Variants in GALC observed in about 807,000 individuals in gnomAD.
GALC encodes the protein galactocerebrosidase.
In GALC, 77 loss-of-function variants were observed where a neutral mutation model predicts 91.8. The ratio of observed to expected loss-of-function variants is 0.84; its 90% CI spans 0.70 to 1.01. The LOEUF (loss-of-function observed/expected upper bound fraction) is 1.01, where lower values mean the gene tolerates loss of function less well. GALC is among the 50% of genes least tolerant of loss of function. The pLI is 0.00. For missense variants in GALC, 882 were observed against 855.9 expected (o/e 1.03, Z -0.38); for synonymous variants, 357 against 306.7 (o/e 1.16, Z -1.71).
intron 6 of GALC, among the ~76,000 whole-genome samples, chr14:87,980,243 C>T (rs767257368): frequency 2.6e-5 from 4 of 151,968 alleles, no homozygotes; most frequent in East Asian, 1.9e-4. Flanking sequence ...ATTAGCCGGG[C>T]GTGGTGGTGG....
rs1329012570 is a variant in GALC at position 87,993,140 on chromosome 14, A to C, written c.25T>G (p.Ser9Ala). MAEWLLSA[S>A]WQRRAKAMTA... ...ATAGCTTTCGCTCGGCGTTGCCAGG[A>C]AGCCGAGAGTAGCCACTCAGCCATT... Residue 9 changes from serine (S) to alanine (A), a missense_variant, in exon 1 of 17, where the codon TCC (serine) becomes GCC (alanine). Transcript: ENST00000261304. 6.3e-7 allele frequency: 1 copy of C among 1,584,344 alleles called. No homozygotes were observed. The highest frequency in any genetic ancestry group is 2.3e-5 in the East Asian group (1 of 43,408).
upstream of GALC, chr14:87,993,509 T>C (rs981645280): frequency 1.3e-6 from 2 of 1,525,128 alleles, no homozygotes; most frequent in African/African-American, 2.7e-5. Flanking sequence ...TCTCAGGGAG[T>C]ATCTACCTCG....
chr14:87,956,980 C>T (rs532316695), intron 10 of GALC, among the ~76,000 whole-genome samples: 1 of 152,056 alleles, frequency 6.6e-6, no homozygotes, highest in African/African-American at 2.4e-5. Context: ...GGTGGTATCT[C>T]GTTGTGGTTC....
At position 87,944,450 on chromosome 14, in the gene GALC, A is replaced by G. The variant is rs576212461; in HGVS notation, c.1670+1103T>C. On this transcript the variant is annotated intron_variant, in intron 14 of 16. Transcript: ENST00000261304. ...CAGCCACTGGACTTAAAATAAGACC[A>G]TCAGTCACAAATAAGGATGCCAAGA... Among the ~76,000 whole-genome samples, 314 of 152,096 alleles carry G rather than the reference A, an allele frequency of 2.1e-3. 1 individual carries two copies. Among genetic ancestry groups the G allele is most frequent in the African/African-American group, 7.4e-3 (306 of 41,528 alleles).
At chr14:87,947,591 T>A in intron 13 of GALC, 137 bp downstream of exon 13, 1 of 825,726 alleles carries the variant, frequency 1.2e-6, no homozygotes, top group East Asian at 2.5e-5. Flanking sequence ...GCCCTCCTTT[T>A]ACCGCATATG....
intron 2 of GALC, 58 bp downstream of exon 2, chr14:87,988,397 T>G: frequency 7.4e-7 from 1 of 1,343,742 alleles, no homozygotes; most frequent in East Asian, 2.3e-5. Context: ...TATGGTGAAA[T>G]TCACCATCCA....
At chr14:87,970,968 C>A (rs1886270312) in intron 7 of GALC, among the ~76,000 whole-genome samples, 1 of 151,236 alleles carries the variant, frequency 6.6e-6, no homozygotes, top group African/African-American at 2.4e-5. Flanking sequence ...TTTCAAACTT[C>A]AATAACAGAC....
chr14:87,960,731 A>G (rs7157799), intron 10 of GALC, among the ~76,000 whole-genome samples: 49,858 of 152,058 alleles, frequency 0.33, 9,550 homozygotes, highest in East Asian at 0.75. Context: ...TGAAAAAGGA[A>G]TAGTCTTTTC....
chr14:87,947,119 C>T (rs1162282441), intron 13 of GALC, among the ~76,000 whole-genome samples: 1 of 152,036 alleles, frequency 6.6e-6, no homozygotes, highest in Non-Finnish European at 1.5e-5. Context: ...AGAACACCAC[C>T]AAGCAGTCAA....
chr14:87,968,566 A>T, intron 7 of GALC, 76 bp from the exon 8 acceptor site: 1 of 1,383,428 alleles, frequency 7.2e-7, no homozygotes, highest in Admixed American at 1.7e-5. Context: ...TTTGTTGAGT[A>T]TATAAAAATA....
intron 6 of GALC, chr14:87,981,080 G>A (rs1886729061): frequency 6.6e-6 from 1 of 152,162 alleles, no homozygotes; most frequent in Non-Finnish European, 1.5e-5. Flanking sequence ...AGTACGAGTG[G>A]ATAAAGAAAC....
chr14:87,968,655 T>C (rs919946953), intron 7 of GALC, among the ~76,000 whole-genome samples, 165 bp from the exon 8 acceptor site: 1 of 152,212 alleles, frequency 6.6e-6, no homozygotes, highest in Admixed American at 6.5e-5. Flanking sequence ...ATCTGCTTTA[T>C]GCCCTTTTGT....
intron 14 of GALC, 113 bp from the exon 15 acceptor site, chr14:87,941,671 G>T: frequency 3.7e-6 from 3 of 806,570 alleles, no homozygotes; most frequent in East Asian, 2.5e-5. Context: ...GTGAGAATGT[G>T]ATTTGCTAAG....
chr14:87,976,587 G>C, intron 6 of GALC, 99 bp from the exon 7 acceptor site: 1 of 982,826 alleles, frequency 1.0e-6, no homozygotes, highest in Admixed American at 2.0e-5. Context: ...ACAAATCAGC[G>C]TTCTGGATAA....
At chr14:87,965,361 A>G in intron 9 of GALC, 144 bp downstream of exon 9, 1 of 875,538 alleles carries the variant, frequency 1.1e-6, no homozygotes, top group Non-Finnish European at 1.8e-6. Flanking sequence ...ATATTCTTAT[A>G]AAACACTGGC....
At chr14:87,935,541 A>G (rs1055061369) in intron 16 of GALC, among the ~76,000 whole-genome samples, 1 of 152,062 alleles carries the variant, frequency 6.6e-6, no homozygotes, top group Non-Finnish European at 1.5e-5. Flanking sequence ...GGTCACTGAC[A>G]GTGAAAGAAA....
At chr14:87,987,080 G>GAAAAAAAA in intron 3 of GALC, 1 of 428,642 alleles carries the variant, frequency 2.3e-6, no homozygotes, top group Non-Finnish European at 4.6e-6. Flanking sequence ...GAGTTTTGAG[G>GAAAAAAAA]AAAAAAAAAG....
At chr14:87,990,769 C>T (rs1473036833) in intron 1 of GALC, among the ~76,000 whole-genome samples, 1 of 152,188 alleles carries the variant, frequency 6.6e-6, no homozygotes, top group Admixed American at 6.5e-5. Context: ...CCTAACACAA[C>T]AGCATAAGTC....
Position 87,933,902 on chromosome 14 carries a change from T to G in GALC, c.*830A>C. 1 of 1,194,736 alleles carries G rather than the reference T, an allele frequency of 8.4e-7. No homozygotes were observed. Among genetic ancestry groups the G allele is most frequent in the Non-Finnish European group, 1.2e-6 (1 of 836,306 alleles). 74.0% of individuals were successfully genotyped at this position (1,194,736 alleles called of 1,614,324 possible). ...ATCAGCTGTGTGAGTCTGTTACCAG[T>G]GCACATGTGAGGACAGACCACAGCA... On this transcript the variant is annotated 3_prime_UTR_variant, in exon 17 of 17. Transcript: ENST00000261304.
Sources: allele counts gnomAD v4.1 joint callset (sites outside exome capture counted in the v4.1 genomes callset), GRCh38; gene constraint gnomAD v4.1.1; transcripts MANE v1.5; gene names NCBI Gene and HGNC (gene_info 2026-07-23, HGNC 2026-07-21).